The following CCDC192 variants were observed in gnomAD, a reference collection of about 807,000 sequenced individuals.
The protein encoded by CCDC192 is coiled-coil domain-containing protein 192.
chr5:127,841,608 G>A (rs892547602), intron 5 of CCDC192, among the ~76,000 whole-genome samples: 1 of 152,190 alleles, frequency 6.6e-6, no homozygotes, highest in Admixed American at 6.5e-5. Context: ...CCCCTCTGGA[G>A]CAAGAAAGGC....
In CCDC192 at chr5:127,798,828, T is replaced by C. The variant is rs116176785; in HGVS notation, c.411+666T>C. On this transcript the variant is annotated intron_variant, in intron 5 of 6. Transcript: ENST00000514853. ...GACTACATAGTTGCCCATTTTCTCC[T>C]GCAAGTACTCGCCTGAGAGAGACCC... Among the ~76,000 whole-genome samples, 1,110 of 152,122 alleles carry C rather than the reference T, an allele frequency of 7.3e-3. 7 individuals are homozygous for C. Among genetic ancestry groups the C allele is most frequent in the Non-Finnish European group, 0.01 (704 of 67,994 alleles).
At chr5:127,724,897 G>A (rs1165633241) in intron 2 of CCDC192, among the ~76,000 whole-genome samples, 3 of 149,398 alleles carry the variant, frequency 2.0e-5, no homozygotes, top group African/African-American at 7.4e-5. Context: ...AAATATTCAA[G>A]TACTTACCCC....
At chr5:127,843,249 C>A (rs245196) in intron 5 of CCDC192, among the ~76,000 whole-genome samples, 150,609 of 151,398 alleles carry the variant, frequency 0.99, 74,917 homozygotes, top group East Asian at 1. Context: ...CATGTTACCC[C>A]GGATGGTCTC....
At chr5:127,767,728 A>T (rs546754169) in intron 3 of CCDC192, among the ~76,000 whole-genome samples, 1 of 152,140 alleles carries the variant, frequency 6.6e-6, no homozygotes, top group Non-Finnish European at 1.5e-5. Context: ...TTATATTTCA[A>T]TTATTGATTG....
chr5:127,907,483 T>C (rs1048431801), intron 6 of CCDC192, among the ~76,000 whole-genome samples: 1 of 151,970 alleles, frequency 6.6e-6, no homozygotes, highest in Non-Finnish European at 1.5e-5. Context: ...AAAAAACTAT[T>C]CTAATTATTT....
At chr5:127,906,802 A>G (rs1430633152) in intron 6 of CCDC192, among the ~76,000 whole-genome samples, 1 of 152,118 alleles carries the variant, frequency 6.6e-6, no homozygotes, top group East Asian at 1.9e-4. Flanking sequence ...AAACCCCAAC[A>G]AAAACAAATA....
At chr5:127,782,836 C>T (rs1362609888) in intron 3 of CCDC192, among the ~76,000 whole-genome samples, 1 of 151,292 alleles carries the variant, frequency 6.6e-6, no homozygotes, top group African/African-American at 2.4e-5. Context: ...TTGTTATTTC[C>T]TTTCTTCTGC....
intron 3 of CCDC192, among the ~76,000 whole-genome samples, chr5:127,764,461 TA>T (rs1380096721): frequency 6.6e-6 from 1 of 152,212 alleles, no homozygotes; most frequent in Non-Finnish European, 1.5e-5. Context: ...CCAACTATCT[TA>T]TGTTAGAATC....
intron 5 of CCDC192, among the ~76,000 whole-genome samples, chr5:127,817,959 T>C (rs749584042): frequency 1.3e-5 from 2 of 152,164 alleles, no homozygotes; most frequent in African/African-American, 4.8e-5. Flanking sequence ...GAAGTAGTCA[T>C]ACAAATCCAC....
intron 3 of CCDC192, among the ~76,000 whole-genome samples, chr5:127,755,102 G>T (rs73345022): frequency 1.3e-5 from 2 of 152,098 alleles, no homozygotes; most frequent in Non-Finnish European, 2.9e-5. Flanking sequence ...TTGGAGTCTC[G>T]GTCCCCCAGT....
At chr5:127,845,639 T>A (rs142766839) in intron 5 of CCDC192, among the ~76,000 whole-genome samples, 8 of 152,332 alleles carry the variant, frequency 5.3e-5, no homozygotes, top group Admixed American at 5.2e-4. Context: ...TTTGCTAGTT[T>A]CCCATGTGAA....
chr5:127,719,506 CAT>C (rs71575704), intron 2 of CCDC192, among the ~76,000 whole-genome samples: 44,899 of 123,722 alleles, frequency 0.36, 9,164 homozygotes, highest in East Asian at 0.48. Flanking sequence ...CACACACATA[CAT>C]ATATATATAT....
At chr5:127,769,754 A>C (rs900400153) in intron 3 of CCDC192, among the ~76,000 whole-genome samples, 8 of 152,194 alleles carry the variant, frequency 5.3e-5, no homozygotes, top group African/African-American at 1.9e-4. Context: ...AGAAAATTGT[A>C]TATGGCATTT....
chr5:127,853,076 C>G (rs538257593), intron 5 of CCDC192, among the ~76,000 whole-genome samples: 1 of 151,882 alleles, frequency 6.6e-6, no homozygotes, highest in East Asian at 2.0e-4. Flanking sequence ...GGCAACAGAG[C>G]AAGACTGTCT....
In CCDC192 at chr5:127,719,834, C is replaced by T. The variant is rs35790389; in HGVS notation, c.114+12074C>T. On this transcript the variant is annotated intron_variant, in intron 2 of 6. Transcript: ENST00000514853. ...CGCATGGCCAGATCAGAGGAAGGGGCGGGGGAGGTGACACATGCTTTTTAA... is the reference window on the plus strand; with the variant it reads ...CGCATGGCCAGATCAGAGGAAGGGGTGGGGGAGGTGACACATGCTTTTTAA... 3.6e-5 allele frequency among the ~76,000 whole-genome samples: 5 copies of T among 138,728 alleles called. 1 individual carries two copies. The East Asian group carries it at 7.3e-4, about 20-fold the overall frequency. The allele number at this position is 138,728 out of a possible 152,430, so 91.0% of individuals were successfully genotyped here.
At chr5:127,799,938 A>G (rs1422910425) in intron 5 of CCDC192, among the ~76,000 whole-genome samples, 3 of 152,176 alleles carry the variant, frequency 2.0e-5, no homozygotes, top group Non-Finnish European at 4.4e-5. Context: ...TTGAAAGTGG[A>G]TTATGTATTT....
chr5:127,796,192 G>T (rs1757155971), intron 3 of CCDC192, among the ~76,000 whole-genome samples: 1 of 152,106 alleles, frequency 6.6e-6, no homozygotes, highest in Non-Finnish European at 1.5e-5. Flanking sequence ...TATTTCCTTG[G>T]CAGACTGACC....
chr5:127,712,971 A>T (rs539913217), intron 2 of CCDC192, among the ~76,000 whole-genome samples: 35 of 152,322 alleles, frequency 2.3e-4, no homozygotes, highest in African/African-American at 8.4e-4. Flanking sequence ...ACAGTGGCTC[A>T]CGCCTGTAAT....
At chr5:127,829,821 C>G (rs1749701504) in intron 5 of CCDC192, among the ~76,000 whole-genome samples, 1 of 151,966 alleles carries the variant, frequency 6.6e-6, no homozygotes, top group Non-Finnish European at 1.5e-5. Flanking sequence ...CAACTGTAGC[C>G]CCCACAACTG....
Sources: gnomAD v4.1 joint callset for allele counts (sites outside exome capture counted in the v4.1 genomes callset) on GRCh38, gnomAD v4.1.1 for gene constraint, MANE v1.5 for transcripts, NCBI Gene and HGNC (gene_info 2026-07-23, HGNC 2026-07-21) for gene names.